KDM4A: variants seen among roughly 807,000 people sequenced by gnomAD.
The protein encoded by KDM4A is lysine demethylase 4A, also known as lysine-specific demethylase 4A.
In KDM4A, 23 loss-of-function variants were observed where a neutral mutation model predicts 127.1. The observed-to-expected ratio is 0.18, with a 90% CI of 0.13 to 0.26. The LOEUF (loss-of-function observed/expected upper bound fraction) is 0.26. Ranked by LOEUF, KDM4A falls within the 10% of genes least tolerant of loss-of-function variation. The pLI is 1.00. For missense variants in KDM4A, 890 were observed against 1,329.1 expected, an observed-to-expected ratio of 0.67 and a Z score of 5.14; for synonymous variants, 443 against 466.5, an observed-to-expected ratio of 0.95 and a Z score of 0.65.
intron 5 of KDM4A, among the ~76,000 whole-genome samples, chr1:43,665,283 T>C (rs1660475295): frequency 6.6e-6 from 1 of 152,160 alleles, no homozygotes; most frequent in Admixed American, 6.6e-5. Context: ...TCCATCTTCC[T>C]CTTGCCTGCC....
chr1:43,703,823 T>A (rs1661472738), intron 20 of KDM4A, 87 bp downstream of exon 20: 1 of 1,551,340 alleles, frequency 6.4e-7, no homozygotes, highest in African/African-American at 1.4e-5. Flanking sequence ...TCTTTGCTCT[T>A]AGGAGAACTA....
At chr1:43,703,394 AT>A (rs570960378) in intron 19 of KDM4A, 40,542 of 318,924 alleles carry the variant, frequency 0.13, no homozygotes, top group East Asian at 0.17. Flanking sequence ...TTATAGCTGG[AT>A]TTTTTTTTTT....
At chr1:43,655,463 T>G in intron 2 of KDM4A, 128 bp from the exon 3 acceptor site, 1 of 779,654 alleles carries the variant, frequency 1.3e-6, no homozygotes. Context: ...TTTTGGTGAA[T>G]GTGGGTAAAT....
chr1:43,687,792 G>A (rs897640316), intron 12 of KDM4A, among the ~76,000 whole-genome samples: 6 of 152,152 alleles, frequency 3.9e-5, no homozygotes, highest in African/African-American at 1.2e-4. Flanking sequence ...TGAGTTTTGT[G>A]AGCAAACTTT....
chr1:43,660,530 G>T (rs770316194), intron 4 of KDM4A, 118 bp downstream of exon 4: 5 of 1,376,334 alleles, frequency 3.6e-6, no homozygotes, highest in Non-Finnish European at 4.9e-6. Context: ...ATGAACAGAT[G>T]ATCTACCCCC....
chr1:43,698,122 C>T, intron 19 of KDM4A, 109 bp downstream of exon 19: 1 of 1,007,342 alleles, frequency 9.9e-7, no homozygotes, highest in Admixed American at 2.4e-5. Flanking sequence ...GGTCCCTGGT[C>T]CCATCACCAT....
chr1:43,703,416 C>A, intron 19 of KDM4A: 3 of 430,752 alleles, frequency 7.0e-6, no homozygotes, highest in South Asian at 3.9e-5. Flanking sequence ...TTTTTGGTCA[C>A]CTAGAAGCAG....
chr1:43,688,840 A>C lies in KDM4A; in HGVS notation c.1856-74A>C. 1 of 1,360,216 alleles carries C rather than the reference A, an allele frequency of 7.4e-7. No homozygotes were observed. The highest frequency in any genetic ancestry group is 1.0e-6 in the Non-Finnish European group (1 of 973,770). 84.3% of individuals were successfully genotyped at this position (1,360,216 alleles called of 1,614,324 possible). ...ACCTAGGATCAGGAGTCCTAGTGGA[A>C]CTCATCTGTTCTCCAGGCAGAGCCA... On this transcript the variant is annotated intron_variant, in intron 12 of 21. Coordinates refer to ENST00000372396, the MANE Select transcript of KDM4A (RefSeq NM_014663.3). The surrounding 1 kb of genome is among the most constrained non-coding windows in gnomAD (Gnocchi z 4.4).
At chr1:43,681,616 A>G (rs976072139) in intron 11 of KDM4A, among the ~76,000 whole-genome samples, 5 of 151,848 alleles carry the variant, frequency 3.3e-5, no homozygotes, top group Non-Finnish European at 4.4e-5. Flanking sequence ...AGAAATCCCC[A>G]CCGTTTCTGG....
intron 11 of KDM4A, among the ~76,000 whole-genome samples, chr1:43,682,347 A>G (rs1660877598): frequency 6.6e-6 from 1 of 152,198 alleles, no homozygotes; most frequent in Non-Finnish European, 1.5e-5. Flanking sequence ...GTTCACTGTA[A>G]TGGAGGCTCC....
intron 18 of KDM4A, 149 bp downstream of exon 18, chr1:43,695,043 CT>C: frequency 2.6e-6 from 2 of 759,716 alleles, no homozygotes; most frequent in South Asian, 1.9e-5. Context: ...GAGGTGGCCC[CT>C]GTCCATCTCC....
intron 20 of KDM4A, 95 bp downstream of exon 20, chr1:43,703,831 C>T: frequency 3.3e-6 from 5 of 1,529,512 alleles, no homozygotes; most frequent in Non-Finnish European, 4.5e-6. Context: ...CTTAGGAGAA[C>T]TAATAGGTTG....
At chr1:43,655,928 C>T (rs1660226783) in intron 3 of KDM4A, among the ~76,000 whole-genome samples, 162 bp downstream of exon 3, 1 of 152,162 alleles carries the variant, frequency 6.6e-6, no homozygotes, top group Non-Finnish European at 1.5e-5. Context: ...AGCATTCCCT[C>T]CTCTCAGGAC....
intron 10 of KDM4A, among the ~76,000 whole-genome samples, chr1:43,670,276 G>C (rs555666617): frequency 9.2e-5 from 14 of 152,308 alleles, no homozygotes; most frequent in Middle Eastern, 3.4e-3. Context: ...CAGCCAGGCA[G>C]CACTGTGGAC....
chr1:43,660,358 T>G lies in KDM4A; in HGVS notation c.375T>G (p.Leu125=), dbSNP rs1451134242. Reference sequence around the variant, plus strand: ...TCGAGCGGAAATACTGGAAAAATCTTACATTCAATCCTCCAATCTATGGTG... The same window carrying G: ...TCGAGCGGAAATACTGGAAAAATCTGACATTCAATCCTCCAATCTATGGTG... The part of the protein sequence containing the change: ...EELERKYWKN[L]TFNPPIYGAD... Residue 125 remains leucine (L), a synonymous_variant, in exon 4 of 22, where the codon CTT becomes CTG. Coordinates refer to ENST00000372396, the MANE Select transcript of KDM4A (RefSeq NM_014663.3). 1.2e-6 allele frequency: 2 copies of G among 1,613,624 alleles called. No homozygotes were observed. Among genetic ancestry groups the G allele is most frequent in the Non-Finnish European group, 1.7e-6 (2 of 1,179,748 alleles).
At chr1:43,651,012 C>A (rs982333647) in intron 1 of KDM4A, among the ~76,000 whole-genome samples, 1 of 152,114 alleles carries the variant, frequency 6.6e-6, no homozygotes, top group Non-Finnish European at 1.5e-5. Flanking sequence ...GTGAGGAAAT[C>A]AGTTTTTCAA....
At chr1:43,658,071 C>CT (rs371218115) in intron 3 of KDM4A, among the ~76,000 whole-genome samples, 34,505 of 132,588 alleles carry the variant, frequency 0.26, 5,346 homozygotes, top group Middle Eastern at 0.36. Flanking sequence ...AAAAACATAA[C>CT]TTTTTTTTTT....
Position 43,694,992 on chromosome 1 carries a change from C to G in KDM4A, c.2670+98C>G, listed in dbSNP as rs551423706. 30 of 1,183,512 alleles carry G rather than the reference C, an allele frequency of 2.5e-5. 1 individual carries two copies. In the South Asian group the frequency reaches 4.2e-4, roughly 17 times the overall value. The allele number at this position is 1,183,512 out of a possible 1,614,324, so 73.3% of individuals were successfully genotyped here. A position where few individuals can be genotyped will look rare whatever the true frequency, so the allele number is the denominator to read the frequency against. On this transcript the variant is annotated intron_variant, in intron 18 of 21. Coordinates refer to ENST00000372396, the MANE Select transcript of KDM4A (RefSeq NM_014663.3). The surrounding 1 kb of genome is among the most constrained non-coding windows in gnomAD (Gnocchi z 5.2). ...TTGTATCAGCAACTATTTCCTCAAG[C>G]ATTCTGCATTATGAAGAGTGCTAAT... is the stretch of plus-strand genomic sequence containing the variant.
chr1:43,686,501 T>C (rs1449270107), intron 12 of KDM4A, among the ~76,000 whole-genome samples: 1 of 152,068 alleles, frequency 6.6e-6, no homozygotes. Context: ...GACGCCCAGC[T>C]AATTTTTGTA....
Sources: allele counts gnomAD v4.1 joint callset (sites outside exome capture counted in the v4.1 genomes callset), GRCh38; gene constraint gnomAD v4.1.1; non-coding constraint Gnocchi (gnomAD v3.1); transcripts MANE v1.5; gene names NCBI Gene and HGNC (gene_info 2026-07-23, HGNC 2026-07-21).